KCNIP3: variants seen among roughly 807,000 people sequenced by gnomAD.
The protein encoded by KCNIP3 is potassium voltage-gated channel interacting protein 3.
KCNIP3 carries 28 observed loss-of-function variants against 35.0 expected under a neutral mutation model. The ratio of observed to expected loss-of-function variants is 0.80; its 90% CI spans 0.59 to 1.10. The LOEUF (loss-of-function observed/expected upper bound fraction) is 1.10. Ranked by LOEUF, KCNIP3 falls within the 50% of genes least tolerant of loss-of-function variation. The pLI, the probability that KCNIP3 is intolerant of heterozygous loss-of-function variation, is 0.00. For synonymous variants in KCNIP3, 134 were observed against 133.8 expected, an observed-to-expected ratio of 1.00 and a Z score of -0.01; for missense variants, 295 against 338.4, an observed-to-expected ratio of 0.87 and a Z score of 1.01.
intron 2 of KCNIP3, among the ~76,000 whole-genome samples, chr2:95,325,783 T>C (rs539998592): frequency 6.9e-5 from 7 of 101,124 alleles, no homozygotes; most frequent in Non-Finnish European, 1.1e-4. Context: ...ATACACACAC[T>C]CATACACACT....
intron 2 of KCNIP3, among the ~76,000 whole-genome samples, chr2:95,361,769 C>G (rs906168247): frequency 2.0e-5 from 3 of 152,184 alleles, no homozygotes; most frequent in Non-Finnish European, 2.9e-5. Context: ...TCCAGAGCAC[C>G]TCCCATGCAC....
At chr2:95,303,724 G>T (rs1678102187) in intron 1 of KCNIP3, among the ~76,000 whole-genome samples, 1 of 152,182 alleles carries the variant, frequency 6.6e-6, no homozygotes, top group South Asian at 2.1e-4. Flanking sequence ...GACTTGAGTG[G>T]CAGAGAGCAG....
At chr2:95,355,315 T>G (rs1013127197) in intron 2 of KCNIP3, 1 of 152,240 alleles carries the variant, frequency 6.6e-6, no homozygotes, top group Non-Finnish European at 1.5e-5. Context: ...AGGCAGCGTC[T>G]GGCATGGAGG....
At chr2:95,346,061 C>T (rs529032220) in intron 2 of KCNIP3, among the ~76,000 whole-genome samples, 1 of 152,380 alleles carries the variant, frequency 6.6e-6, no homozygotes, top group East Asian at 1.9e-4. Context: ...CCAAAGCCCA[C>T]ACTTTCCCTA....
At chr2:95,346,976 A>C (rs751766001) in intron 2 of KCNIP3, 2 of 1,469,318 alleles carry the variant, frequency 1.4e-6, no homozygotes, top group South Asian at 2.4e-5. Flanking sequence ...CGCGTGGGCG[A>C]GGGGTGCGCC....
At chr2:95,301,957 T>C (rs1484656422) in intron 1 of KCNIP3, among the ~76,000 whole-genome samples, 1 of 152,106 alleles carries the variant, frequency 6.6e-6, no homozygotes, top group East Asian at 1.9e-4. Flanking sequence ...CAGGGACTCA[T>C]GACAACCTCG....
Position 95,384,199 on chromosome 2 carries a change from CA to C in KCNIP3, c.*151del. 1.5e-6 allele frequency: 1 copy of C among 666,842 alleles called. No homozygotes were observed. Among genetic ancestry groups the C allele is most frequent in the Non-Finnish European group, 2.7e-6 (1 of 371,872 alleles). The allele number at this position is 666,842 out of a possible 1,614,324, so 41.3% of individuals were successfully genotyped here. ...ACACACACACACACACACACACACA[CA>C]CACACAGCCATTCATCTGGGCTGGC... On this transcript the variant is annotated 3_prime_UTR_variant, in exon 9 of 9. Transcript: ENST00000295225.
At chr2:95,334,535 A>C (rs1679009656) in intron 2 of KCNIP3, among the ~76,000 whole-genome samples, 1 of 152,164 alleles carries the variant, frequency 6.6e-6, no homozygotes, top group African/African-American at 2.4e-5. Flanking sequence ...AAAACCCAGA[A>C]ATTTACCCAG....
chr2:95,301,859 T>C (rs1396760001), intron 1 of KCNIP3, among the ~76,000 whole-genome samples: 3 of 151,738 alleles, frequency 2.0e-5, no homozygotes, highest in Non-Finnish European at 4.4e-5. Flanking sequence ...GGGCTGTGTG[T>C]GTGTGTGTGT....
chr2:95,336,031 C>T (rs1188615161), intron 2 of KCNIP3, among the ~76,000 whole-genome samples: 4 of 152,170 alleles, frequency 2.6e-5, no homozygotes, highest in African/African-American at 9.7e-5. Flanking sequence ...TTCCTTGTCT[C>T]TTGCCATGTC....
intron 2 of KCNIP3, among the ~76,000 whole-genome samples, chr2:95,328,768 C>T (rs1327389421): frequency 6.6e-6 from 1 of 152,248 alleles, no homozygotes; most frequent in African/African-American, 2.4e-5. Context: ...TCCCCAGTAC[C>T]AGACTCTTGG....
chr2:95,346,405 T>A (rs1471348966), intron 2 of KCNIP3, among the ~76,000 whole-genome samples: 3 of 150,840 alleles, frequency 2.0e-5, no homozygotes, highest in Non-Finnish European at 4.4e-5. Context: ...GGAGCAGCGG[T>A]GGCGACGCGC....
intron 2 of KCNIP3, among the ~76,000 whole-genome samples, chr2:95,333,156 C>T (rs754154170): frequency 5.9e-5 from 9 of 152,198 alleles, no homozygotes; most frequent in Admixed American, 1.3e-4. Flanking sequence ...AAAAACCAAA[C>T]GAATGCTCCC....
At chr2:95,301,199 G>A (rs115937441) in intron 1 of KCNIP3, among the ~76,000 whole-genome samples, 1 of 152,234 alleles carries the variant, frequency 6.6e-6, no homozygotes, top group Non-Finnish European at 1.5e-5. Flanking sequence ...TCTGAGAGAT[G>A]CTCACAGCAT....
chr2:95,380,777 G>A (rs573972943), intron 5 of KCNIP3, among the ~76,000 whole-genome samples: 306 of 152,292 alleles, frequency 2.0e-3, no homozygotes, highest in Non-Finnish European at 3.5e-3. Flanking sequence ...CACTTCTGAA[G>A]CCCAAGGTAG....
At chr2:95,360,100 T>C (rs1679754820) in intron 2 of KCNIP3, among the ~76,000 whole-genome samples, 2 of 151,902 alleles carry the variant, frequency 1.3e-5, no homozygotes, top group Admixed American at 1.3e-4. Context: ...ATATTTTGCT[T>C]AGAAATTTCT....
intron 1 of KCNIP3, among the ~76,000 whole-genome samples, chr2:95,298,264 CAG>C (rs1283259846): frequency 4.6e-5 from 7 of 152,126 alleles, no homozygotes; most frequent in Non-Finnish European, 7.4e-5. Context: ...CCCCAAATAA[CAG>C]TGGATGGAAC....
rs1680228287 is a variant in KCNIP3, at chr2:95,377,302, CATCTGGAG to C, written c.447+2095_447+2102del. The stretch of plus-strand genomic sequence containing the variant: ...AGTTTGGAAGTGGCAGCCAGGCAGG[CATCTGGAG>C]GTGCGGCCGCTTCTCTGTTACCTCC... On this transcript the variant is annotated intron_variant, in intron 5 of 8. Coordinates refer to ENST00000295225, the MANE Select transcript of KCNIP3 (RefSeq NM_013434.5). This position sits in a 1 kb window ranked among gnomAD's most constrained non-coding sequence, Gnocchi z 4.7. Among the ~76,000 whole-genome samples the C allele has an allele frequency of 6.6e-6, 1 of 152,252 alleles. No individual in the cohort carries two copies. The highest frequency in any genetic ancestry group is 1.5e-5 in the Non-Finnish European group (1 of 68,044).
In KCNIP3 at chr2:95,374,504, A is replaced by G. The variant is rs138687299; in HGVS notation, c.306+84A>G. On this transcript the variant is annotated intron_variant, in intron 3 of 8. Transcript: ENST00000295225. ...GAAACTTCTCCATGCCACAGTAAAT[A>G]TCCCAGGGGCCTTTAAGGGGCTTAT... is the stretch of plus-strand genomic sequence containing the variant. 1.2e-4 allele frequency: 184 copies of G among 1,509,436 alleles called. 1 individual carries two copies. The East Asian group carries it at 4.2e-3, about 35-fold the overall frequency. 93.5% of individuals were successfully genotyped at this position (1,509,436 alleles called of 1,614,324 possible).
Sources: gnomAD v4.1 joint callset for allele counts (sites outside exome capture counted in the v4.1 genomes callset) on GRCh38, gnomAD v4.1.1 for gene constraint, Gnocchi (gnomAD v3.1) non-coding constraint, MANE v1.5 for transcripts, NCBI Gene and HGNC (gene_info 2026-07-23, HGNC 2026-07-21) for gene names.